Variants in SLC38A1 observed in about 807,000 individuals in gnomAD.
SLC38A1 encodes solute carrier family 38 member 1, also known as sodium-coupled neutral amino acid symporter 1.
Under a neutral mutation model 60.3 loss-of-function variants are expected in SLC38A1, and 18 were observed. The observed-to-expected ratio is 0.30, with a 90% CI of 0.21 to 0.44. SLC38A1 has a LOEUF of 0.44. SLC38A1 is among the 20% of genes least tolerant of loss of function. The probability of loss-of-function intolerance (pLI) is 1.00; values close to 1 mark genes in which losing one functional copy is unlikely to be tolerated. For synonymous variants in SLC38A1, 196 were observed against 212.1 expected (o/e 0.92, Z 0.66); for missense variants, 448 against 587.2 (o/e 0.76, Z 2.45).
intron 5 of SLC38A1, among the ~76,000 whole-genome samples, chr12:46,223,979 G>T (rs991967267): frequency 6.6e-6 from 1 of 152,062 alleles, no homozygotes; most frequent in African/African-American, 2.4e-5. Flanking sequence ...GCCTTTAATA[G>T]AAATCTTCAG....
At chr12:46,197,079 G>A (rs562143668) in intron 16 of SLC38A1, among the ~76,000 whole-genome samples, 42 of 152,270 alleles carry the variant, frequency 2.8e-4, no homozygotes, top group African/African-American at 9.1e-4. Flanking sequence ...TGAGTCCCTC[G>A]TCACTTCCTC....
chr12:46,244,050 C>T (rs547996503), intron 1 of SLC38A1, among the ~76,000 whole-genome samples: 1 of 152,222 alleles, frequency 6.6e-6, no homozygotes, highest in South Asian at 2.1e-4. Context: ...GACACTGTAC[C>T]TCAAAACAAT....
chr12:46,246,278 A>C (rs1941614038), intron 1 of SLC38A1, among the ~76,000 whole-genome samples: 1 of 152,212 alleles, frequency 6.6e-6, no homozygotes, highest in Middle Eastern at 3.2e-3. Flanking sequence ...CAGACTGTAC[A>C]TGGAAAAACA....
chr12:46,221,281 TG>T (rs1322073300), intron 5 of SLC38A1, among the ~76,000 whole-genome samples: 1 of 152,134 alleles, frequency 6.6e-6, no homozygotes, highest in African/African-American at 2.4e-5. Flanking sequence ...AGATAATTGC[TG>T]TAACTGACAA....
chr12:46,250,977 A>G (rs1941816849), intron 1 of SLC38A1, among the ~76,000 whole-genome samples: 1 of 152,230 alleles, frequency 6.6e-6, no homozygotes, highest in Non-Finnish European at 1.5e-5. Flanking sequence ...TTCTTCACAG[A>G]ATTGGAAAAA....
intron 5 of SLC38A1, among the ~76,000 whole-genome samples, chr12:46,216,842 A>G (rs535046726): frequency 7.9e-5 from 12 of 151,096 alleles, no homozygotes; most frequent in African/African-American, 2.2e-4. Context: ...CCTGGGTGAC[A>G]GAGTGAGATG....
chr12:46,235,161 G>C (rs1941216261), intron 3 of SLC38A1, among the ~76,000 whole-genome samples: 3 of 148,144 alleles, frequency 2.0e-5, no homozygotes, highest in Non-Finnish European at 1.5e-5. Flanking sequence ...AGAGAGGCAA[G>C]AAACAGAGAG....
chr12:46,189,785 G>A (rs1939067814), intron 16 of SLC38A1, among the ~76,000 whole-genome samples: 1 of 152,086 alleles, frequency 6.6e-6, no homozygotes, highest in Admixed American at 6.6e-5. Flanking sequence ...TTTTATAAAG[G>A]GGAGTTACCC....
chr12:46,229,536 A>T, intron 4 of SLC38A1, 28 bp downstream of exon 4: 1 of 1,529,834 alleles, frequency 6.5e-7, no homozygotes. Flanking sequence ...TTAAAAAAAT[A>T]AGCATACTTC....
In SLC38A1 at chr12:46,184,961, C is replaced by A. The variant is rs1206108306; in HGVS notation, c.*4009G>T. 2.6e-5 allele frequency: 4 copies of A among 152,258 alleles called. No individual in the cohort carries two copies. Among genetic ancestry groups the A allele is most frequent in the African/African-American group, 9.6e-5 (4 of 41,546 alleles). The allele number at this position is 152,258 out of a possible 1,614,324, so 9.4% of individuals were successfully genotyped here. A position where few individuals can be genotyped will look rare whatever the true frequency, so the allele number is the denominator to read the frequency against. Reference sequence around the variant, plus strand: ...CGAGAAGGGGATAACCAGGTGGCAGCGCTGGATTCACTCACTTTCTTGCCA... The same window carrying A: ...CGAGAAGGGGATAACCAGGTGGCAGAGCTGGATTCACTCACTTTCTTGCCA... On this transcript the variant is annotated 3_prime_UTR_variant, in exon 17 of 17. Transcript: ENST00000398637.
chr12:46,239,768 A>G lies in SLC38A1; in HGVS notation c.33T>C (p.Thr11=), dbSNP rs1941383010. The G allele has an allele frequency of 2.5e-6, 4 of 1,613,236 alleles. No individual in the cohort carries two copies. In the East Asian group the frequency reaches 8.9e-5, roughly 36 times the overall value. The change falls in exon 3 of 17, where the codon ACT becomes ACC. Residue 11 remains threonine (T), a synonymous_variant. Coordinates refer to ENST00000398637, the MANE Select transcript of SLC38A1 (RefSeq NM_030674.4). MMHFKSGLEL[T]ELQNMTVPED... ...CGGGCACTGTCATGTTTTGCAACTCAGTTAATTCGAGTCCACTTTTGAAAT... is the reference window on the plus strand; with the variant it reads ...CGGGCACTGTCATGTTTTGCAACTCGGTTAATTCGAGTCCACTTTTGAAAT...
chr12:46,216,463 A>C (rs1016216572), intron 5 of SLC38A1, among the ~76,000 whole-genome samples: 5 of 152,138 alleles, frequency 3.3e-5, no homozygotes, highest in African/African-American at 1.2e-4. Flanking sequence ...GAGGGACCAG[A>C]GGCTCTCAGT....
intron 1 of SLC38A1, among the ~76,000 whole-genome samples, chr12:46,264,729 A>C (rs1261223905): frequency 6.6e-6 from 1 of 152,190 alleles, no homozygotes; most frequent in Non-Finnish European, 1.5e-5. Context: ...AGTAGTACAC[A>C]TTGTACCCAA....
intron 13 of SLC38A1, 25 bp from the exon 14 acceptor site, chr12:46,198,768 G>T: frequency 1.4e-6 from 2 of 1,447,642 alleles, no homozygotes; most frequent in Non-Finnish European, 1.9e-6. Flanking sequence ...AAGCAAGAGG[G>T]TTTTAAAAGG....
Position 46,185,680 on chromosome 12 carries a change from A to G in SLC38A1, c.*3290T>C, listed in dbSNP as rs1365136385. On this transcript the variant is annotated 3_prime_UTR_variant, in exon 17 of 17. Transcript: ENST00000398637. ...GAGCCAAAAGTCAGACAAACAGAAGAAGGCACACCAAGCCTGAACCCTCCG... is the reference window on the plus strand; with the variant it reads ...GAGCCAAAAGTCAGACAAACAGAAGGAGGCACACCAAGCCTGAACCCTCCG... The G allele has an allele frequency of 1.3e-5, 2 of 151,906 alleles. No homozygotes were observed. The highest frequency in any genetic ancestry group is 4.8e-5 in the African/African-American group (2 of 41,308). 9.4% of individuals were successfully genotyped at this position (151,906 alleles called of 1,614,324 possible). A position where few individuals can be genotyped will look rare whatever the true frequency, so the allele number is the denominator to read the frequency against.
At chr12:46,248,215 G>A (rs1328141074) in intron 1 of SLC38A1, among the ~76,000 whole-genome samples, 2 of 152,116 alleles carry the variant, frequency 1.3e-5, no homozygotes, top group Admixed American at 1.3e-4. Context: ...TGGGCTAAAT[G>A]CCCCAATTAA....
rs1942447382 is a variant in SLC38A1, at chr12:46,268,745, A to T, written c.-428T>A. 1 of 312,686 alleles carries T rather than the reference A, an allele frequency of 3.2e-6. No individual in the cohort carries two copies. Among genetic ancestry groups the T allele is most frequent in the Non-Finnish European group, 7.0e-6 (1 of 143,606 alleles). The allele number at this position is 312,686 out of a possible 1,614,324, so 19.4% of individuals were successfully genotyped here. A position where few individuals can be genotyped will look rare whatever the true frequency, so the allele number is the denominator to read the frequency against. ...GAGGCTCCTGGCGACCTTCTGGCGGAGTGGCGTGGCCGCCCCAGTCCGCGC... is the reference window on the plus strand; with the variant it reads ...GAGGCTCCTGGCGACCTTCTGGCGGTGTGGCGTGGCCGCCCCAGTCCGCGC... On this transcript the variant is annotated 5_prime_UTR_variant, in exon 1 of 17. Coordinates refer to ENST00000398637, the MANE Select transcript of SLC38A1 (RefSeq NM_030674.4). The surrounding 1 kb of genome is among the most constrained non-coding windows in gnomAD (Gnocchi z 4.4).
chr12:46,213,842 T>A (rs966035602), intron 5 of SLC38A1, among the ~76,000 whole-genome samples: 1 of 152,242 alleles, frequency 6.6e-6, no homozygotes, highest in African/African-American at 2.4e-5. Flanking sequence ...AATTCAACTA[T>A]TTACCTATTT....
chr12:46,220,405 A>G (rs1291080444), intron 5 of SLC38A1, among the ~76,000 whole-genome samples: 1 of 152,248 alleles, frequency 6.6e-6, no homozygotes, highest in East Asian at 1.9e-4. Flanking sequence ...AAAGAATTCT[A>G]AAAACAAGAA....
Sources: allele counts gnomAD v4.1 joint callset (sites outside exome capture counted in the v4.1 genomes callset), GRCh38; gene constraint gnomAD v4.1.1; non-coding constraint Gnocchi (gnomAD v3.1); transcripts MANE v1.5; gene names NCBI Gene and HGNC (gene_info 2026-07-23, HGNC 2026-07-21).